The following SIDT1 variants were observed in gnomAD, a reference collection of about 807,000 sequenced individuals.
SIDT1 encodes the protein SID1 transmembrane family member 1, also known as SID1 transmembrane family, member 1.
In SIDT1, 101 loss-of-function variants were observed where a neutral mutation model predicts 107.5. The ratio of observed to expected loss-of-function variants is 0.94; its 90% confidence interval spans 0.80 to 1.11. SIDT1 has a LOEUF of 1.11. Among genes scored for constraint, SIDT1 ranks in the 50% least tolerant of loss-of-function variants. The pLI is 0.00. For synonymous variants in SIDT1, 395 were observed against 398.2 expected, an observed-to-expected ratio of 0.99 and a Z score of 0.10; for missense variants, 1,076 against 1,058.2, an observed-to-expected ratio of 1.02 and a Z score of -0.23.
intron 10 of SIDT1, among the ~76,000 whole-genome samples, chr3:113,595,832 T>C (rs532221769): frequency 2.6e-5 from 4 of 152,084 alleles, no homozygotes; most frequent in Non-Finnish European, 2.9e-5. Flanking sequence ...TGACCACTGG[T>C]GAGTCAAGAC....
At chr3:113,583,796 A>G (rs1943542618) in intron 7 of SIDT1, among the ~76,000 whole-genome samples, 1 of 152,214 alleles carries the variant, frequency 6.6e-6, no homozygotes, top group African/African-American at 2.4e-5. Flanking sequence ...AATATTTGCT[A>G]CCATGAAGTA....
chr3:113,593,169 C>T (rs765731362), intron 10 of SIDT1, 121 bp downstream of exon 10: 70 of 856,402 alleles, frequency 8.2e-5, no homozygotes, highest in Middle Eastern at 4.4e-4. Context: ...ATTCCTATCC[C>T]GCAGAGTAGT....
At chr3:113,561,868 A>G (rs11710445) in intron 1 of SIDT1, among the ~76,000 whole-genome samples, 3 of 152,192 alleles carry the variant, frequency 2.0e-5, no homozygotes, top group Non-Finnish European at 4.4e-5. Flanking sequence ...AGTACTTAAG[A>G]AGGGAGGAGG....
chr3:113,589,210 A>G (rs1383666634), intron 9 of SIDT1, among the ~76,000 whole-genome samples: 1 of 152,192 alleles, frequency 6.6e-6, no homozygotes, highest in Non-Finnish European at 1.5e-5. Flanking sequence ...AGCTGGATAT[A>G]AGGTGAGGTG....
Position 113,616,127 on chromosome 3 carries a change from T to A in SIDT1, c.1994T>A (p.Met665Lys), listed in dbSNP as rs1355458981. Residue 665 changes from methionine to lysine, a missense_variant, in exon 20 of 25, where the codon ATG becomes AAG. Met to Lys is a moderately conservative substitution (Grantham distance 95). Coordinates refer to ENST00000264852, the MANE Select transcript of SIDT1 (RefSeq NM_017699.3). Reference protein sequence around the residue: ...IDLGIFRRAAMVFYTDCIQQC... With the variant: ...IDLGIFRRAAKVFYTDCIQQC... Reference sequence around the variant, plus strand: ...TTGGGAATTTTCCGGCGGGCTGCCATGGTGTTCTACACAGACTGTATCCAG... The same window carrying A: ...TTGGGAATTTTCCGGCGGGCTGCCAAGGTGTTCTACACAGACTGTATCCAG... 1.2e-6 allele frequency: 2 copies of A among 1,614,016 alleles called. No homozygotes were observed. The highest frequency in any genetic ancestry group is 1.7e-6 in the Non-Finnish European group (2 of 1,179,914).
chr3:113,606,876 C>T, intron 14 of SIDT1, 165 bp from the exon 15 acceptor site: 1 of 513,226 alleles, frequency 1.9e-6, no homozygotes, highest in South Asian at 3.7e-5. Flanking sequence ...AGTGCCTGTG[C>T]TGTGTAAGGT....
At position 113,627,668 on chromosome 3, in the gene SIDT1, A is replaced by G; in HGVS notation, c.2444A>G (p.Asp815Gly). Residue 815 changes from aspartate (D) to glycine (G), a missense_variant, in exon 25 of 25, where the codon GAC becomes GGC. By Grantham distance (94) the Asp-to-Gly change is moderately conservative. Coordinates refer to ENST00000264852, the MANE Select transcript of SIDT1 (RefSeq NM_017699.3). ...SFLVLLTLDD[D>G]LDVVRRDQIP... ...CAGGTTTTGTTAACTTTGGATGATG[A>G]CCTTGATGTGGTTCGGAGAGACCAG... 1 of 1,613,932 alleles carries G rather than the reference A, an allele frequency of 6.2e-7. No individual in the cohort carries two copies. Among genetic ancestry groups the G allele is most frequent in the Non-Finnish European group, 8.5e-7 (1 of 1,180,010 alleles).
chr3:113,570,112 C>T (rs1310697591), intron 3 of SIDT1, among the ~76,000 whole-genome samples: 2 of 152,084 alleles, frequency 1.3e-5, no homozygotes, highest in Admixed American at 1.3e-4. Context: ...ACCATGTTGC[C>T]CAGACTGGTC....
At chr3:113,543,466 T>G (rs2107610439) in intron 1 of SIDT1, among the ~76,000 whole-genome samples, 1 of 152,290 alleles carries the variant, frequency 6.6e-6, no homozygotes, top group East Asian at 1.9e-4. Context: ...TTCGTCTGCT[T>G]CTACCCACAC....
At chr3:113,547,051 C>A (rs938649805) in intron 1 of SIDT1, among the ~76,000 whole-genome samples, 6 of 152,036 alleles carry the variant, frequency 3.9e-5, no homozygotes, top group Admixed American at 3.9e-4. Context: ...TATAATCAAT[C>A]TTTTTTATTT....
intron 20 of SIDT1, among the ~76,000 whole-genome samples, chr3:113,619,253 A>G (rs1324490135): frequency 1.3e-5 from 2 of 152,302 alleles, no homozygotes; most frequent in East Asian, 3.9e-4. Context: ...TTAACTCCCT[A>G]CAGCTGGGGC....
chr3:113,586,592 T>A (rs947637495), intron 9 of SIDT1, among the ~76,000 whole-genome samples: 1 of 152,214 alleles, frequency 6.6e-6, no homozygotes, highest in African/African-American at 2.4e-5. Context: ...TGAAGATGTG[T>A]GCATGGCCTT....
intron 1 of SIDT1, among the ~76,000 whole-genome samples, chr3:113,536,611 C>T (rs1449244804): frequency 6.6e-6 from 1 of 152,200 alleles, no homozygotes; most frequent in Non-Finnish European, 1.5e-5. Context: ...TCCTGTCAGC[C>T]ACTGCATCTC....
intron 6 of SIDT1, 151 bp downstream of exon 6, chr3:113,581,595 AGG>A (rs1943349343): frequency 1.4e-5 from 9 of 653,384 alleles, no homozygotes; most frequent in Non-Finnish European, 2.4e-5. Flanking sequence ...ATGTCTGGCC[AGG>A]CGCAGTGGCT....
intron 24 of SIDT1, 39 bp from the exon 25 acceptor site, chr3:113,627,607 C>T (rs948653319): frequency 1.3e-6 from 2 of 1,590,556 alleles, no homozygotes; most frequent in African/African-American, 1.3e-5. Context: ...GTGACAGTGA[C>T]TGTCCATTCC....
At chr3:113,624,139 T>C (rs1043567444) in intron 23 of SIDT1, among the ~76,000 whole-genome samples, 2 of 152,244 alleles carry the variant, frequency 1.3e-5, no homozygotes, top group Non-Finnish European at 2.9e-5. Context: ...ATTAGTGGTA[T>C]ATCTGAGGCA....
At chr3:113,537,835 T>G (rs1490117720) in intron 1 of SIDT1, among the ~76,000 whole-genome samples, 2 of 152,180 alleles carry the variant, frequency 1.3e-5, no homozygotes, top group African/African-American at 4.8e-5. Context: ...CAGGCTGGAG[T>G]GCAGTGGCAC....
Position 113,618,451 on chromosome 3 carries a change from A to G in SIDT1, c.2044-1229A>G, listed in dbSNP as rs1009545403. The stretch of plus-strand genomic sequence containing the variant: ...CTTTTGTTAAATATCAAAGGGAGCT[A>G]TTGCTGGATTACATGGCAATCATAA... On this transcript the variant is annotated intron_variant, in intron 20 of 24. Transcript: ENST00000264852. Among the ~76,000 whole-genome samples, 35 of 152,338 alleles carry G rather than the reference A, an allele frequency of 2.3e-4. 1 individual carries two copies. The highest frequency in any genetic ancestry group is 8.2e-4 in the African/African-American group (34 of 41,574).
chr3:113,581,665 G>C (rs960369190), intron 6 of SIDT1: 3 of 491,024 alleles, frequency 6.1e-6, no homozygotes, highest in Non-Finnish European at 1.1e-5. Context: ...CTAAAGTCAG[G>C]AGTTTGAGAC....
Sources: gnomAD v4.1 joint callset for allele counts (sites outside exome capture counted in the v4.1 genomes callset) on GRCh38, gnomAD v4.1.1 for gene constraint, MANE v1.5 for transcripts, NCBI Gene and HGNC (gene_info 2026-07-23, HGNC 2026-07-21) for gene names.